PLPPR1: variants seen among roughly 807,000 people sequenced by gnomAD.
The protein encoded by PLPPR1 is phospholipid phosphatase-related protein type 1.
PLPPR1 carries 10 observed loss-of-function variants against 33.1 expected under a neutral mutation model. The ratio of observed to expected loss-of-function variants is 0.30; its 90% CI spans 0.19 to 0.51. The LOEUF is 0.51. Ranked by LOEUF, PLPPR1 falls within the 20% of genes least tolerant of loss-of-function variation. The pLI is 0.97. For missense variants in PLPPR1, 304 were observed against 408.1 expected (o/e 0.74, Z 2.20); for synonymous variants, 151 against 151.0 (o/e 1.00, Z 0.00).
intron 1 of PLPPR1, among the ~76,000 whole-genome samples, chr9:101,066,268 A>G (rs1348406667): frequency 6.6e-6 from 1 of 152,050 alleles, no homozygotes; most frequent in Admixed American, 6.6e-5. Context: ...CATGTCTCAT[A>G]TCAAGAGCAC....
At chr9:101,262,613 A>G (rs1484969430) in intron 2 of PLPPR1, among the ~76,000 whole-genome samples, 1 of 152,204 alleles carries the variant, frequency 6.6e-6, no homozygotes, top group Non-Finnish European at 1.5e-5. Context: ...TCAAGGATCT[A>G]GAACCAGAAA....
At chr9:101,312,470 G>A (rs1828976721) in intron 5 of PLPPR1, among the ~76,000 whole-genome samples, 1 of 152,148 alleles carries the variant, frequency 6.6e-6, no homozygotes, top group Non-Finnish European at 1.5e-5. Context: ...TACCCCAAAT[G>A]ATATTTAAAC....
intron 1 of PLPPR1, among the ~76,000 whole-genome samples, chr9:101,152,923 C>T (rs571947150): frequency 1.3e-5 from 2 of 152,258 alleles, no homozygotes; most frequent in South Asian, 4.1e-4. Flanking sequence ...TAGTTTTTTC[C>T]AATTCTGTGA....
At chr9:101,073,473 A>AC (rs143001016) in intron 1 of PLPPR1, among the ~76,000 whole-genome samples, 5,905 of 107,130 alleles carry the variant, frequency 0.055, 171 homozygotes, top group East Asian at 0.16. Flanking sequence ...TAGATCATTT[A>AC]ATTTTATGCT....
chr9:101,270,014 C>T lies in PLPPR1; in HGVS notation c.198C>T (p.Ser66=). The part of the protein sequence containing the change: ...MKPYPGTEEE[S]FITPLVLYCV... ...CTTACCCAGGGACAGAGGAAGAAAG[C>T]TTCATCACCCCTCTGGTGCTCTATT... The change falls in exon 3 of 8, where the codon AGC becomes AGT. Residue 66 remains serine, a synonymous_variant. Transcript: ENST00000374874. 2 of 1,614,210 alleles carry T rather than the reference C, an allele frequency of 1.2e-6. No individual in the cohort carries two copies. Among genetic ancestry groups the T allele is most frequent in the South Asian group, 1.1e-5 (1 of 91,084 alleles).
intron 2 of PLPPR1, among the ~76,000 whole-genome samples, chr9:101,227,130 T>C (rs1475847841): frequency 6.6e-6 from 1 of 152,078 alleles, no homozygotes; most frequent in Non-Finnish European, 1.5e-5. Flanking sequence ...CTAACCAGTA[T>C]AGATCAGCAC....
At chr9:101,163,406 G>A (rs1257405347) in intron 1 of PLPPR1, among the ~76,000 whole-genome samples, 2 of 152,332 alleles carry the variant, frequency 1.3e-5, no homozygotes, top group South Asian at 4.1e-4. Flanking sequence ...AGACAGAAAT[G>A]CAGCAAGTTT....
intron 4 of PLPPR1, among the ~76,000 whole-genome samples, chr9:101,296,911 C>T (rs947016339): frequency 6.6e-6 from 1 of 151,872 alleles, no homozygotes; most frequent in African/African-American, 2.4e-5. Flanking sequence ...CTAACCTGCA[C>T]ATTGTGCACA....
intron 1 of PLPPR1, among the ~76,000 whole-genome samples, chr9:101,099,394 T>C (rs1830866785): frequency 6.6e-6 from 1 of 152,146 alleles, no homozygotes; most frequent in Non-Finnish European, 1.5e-5. Flanking sequence ...TTTTCTGATT[T>C]CTGACATATA....
In PLPPR1 at chr9:101,316,603, G is replaced by A. The variant is rs1260505450; in HGVS notation, c.814-762G>A. ...TATGGAAAGAGGCAGGGAAAAGGAG[G>A]GTTCTTCTTGGGCAAAAAAAAAAAA... On this transcript the variant is annotated intron_variant, in intron 6 of 7. Coordinates refer to ENST00000374874, the MANE Select transcript of PLPPR1 (RefSeq NM_207299.2). 3.5e-5 allele frequency among the ~76,000 whole-genome samples: 3 copies of A among 85,368 alleles called. 1 individual carries two copies. The East Asian group carries it at 9.0e-4, about 26-fold the overall frequency. The allele number at this position is 85,368 out of a possible 152,430, so 56.0% of individuals were successfully genotyped here.
intron 3 of PLPPR1, among the ~76,000 whole-genome samples, chr9:101,272,992 G>T (rs1828126958): frequency 6.6e-6 from 1 of 152,152 alleles, no homozygotes; most frequent in Admixed American, 6.5e-5. Flanking sequence ...TTAGAAACTA[G>T]GAACTAGCTA....
intron 2 of PLPPR1, among the ~76,000 whole-genome samples, chr9:101,266,673 G>A (rs1471723614): frequency 2.6e-5 from 4 of 152,098 alleles, no homozygotes; most frequent in African/African-American, 4.8e-5. Flanking sequence ...AATCAGCTAG[G>A]CAACTATTCA....
intron 1 of PLPPR1, among the ~76,000 whole-genome samples, chr9:101,138,050 C>T (rs531090333): frequency 6.6e-6 from 1 of 152,310 alleles, no homozygotes; most frequent in African/African-American, 2.4e-5. Context: ...ATCATTATTA[C>T]CCCTCATGCA....
intron 4 of PLPPR1, among the ~76,000 whole-genome samples, chr9:101,306,203 T>C (rs1279975933): frequency 6.6e-6 from 1 of 152,214 alleles, no homozygotes; most frequent in Non-Finnish European, 1.5e-5. Flanking sequence ...GTGAAACTTC[T>C]CTAAGATGTT....
At chr9:101,074,786 T>TA (rs966266654) in intron 1 of PLPPR1, among the ~76,000 whole-genome samples, 1 of 152,042 alleles carries the variant, frequency 6.6e-6, no homozygotes, top group Non-Finnish European at 1.5e-5. Flanking sequence ...ATCAAGTGGT[T>TA]ACCCAGAAAA....
intron 2 of PLPPR1, among the ~76,000 whole-genome samples, chr9:101,225,044 T>A (rs915470762): frequency 3.3e-5 from 5 of 152,218 alleles, no homozygotes; most frequent in Non-Finnish European, 5.9e-5. Context: ...TAGCCAGAAA[T>A]GTGCCATAGG....
intron 2 of PLPPR1, among the ~76,000 whole-genome samples, chr9:101,241,644 T>C (rs546322615): frequency 6.3e-4 from 96 of 152,174 alleles, no homozygotes; most frequent in Non-Finnish European, 9.4e-4. Context: ...ACTCAGCCAT[T>C]GGCTGGGGCC....
intron 1 of PLPPR1, among the ~76,000 whole-genome samples, chr9:101,094,792 A>G (rs1270617375): frequency 1.3e-5 from 2 of 152,180 alleles, no homozygotes; most frequent in African/African-American, 4.8e-5. Flanking sequence ...AAACATGGGA[A>G]AACTACTTTA....
At chr9:101,323,469 C>CAAAA (rs11339430) in intron 7 of PLPPR1, among the ~76,000 whole-genome samples, 1 of 93,792 alleles carries the variant, frequency 1.1e-5, no homozygotes, top group Non-Finnish European at 2.3e-5. Flanking sequence ...AACCCTGTCT[C>CAAAA]AAAAAAAAAA....
Sources: gnomAD v4.1 joint callset for allele counts (sites outside exome capture counted in the v4.1 genomes callset) on GRCh38, gnomAD v4.1.1 for gene constraint, MANE v1.5 for transcripts, NCBI Gene and HGNC (gene_info 2026-07-23, HGNC 2026-07-21) for gene names.